MFSD6: variants seen among roughly 807,000 people sequenced by gnomAD.
The protein encoded by MFSD6 is major facilitator superfamily domain containing 6.
In MFSD6, 26 loss-of-function variants were observed where a neutral mutation model predicts 56.3. The ratio of observed to expected loss-of-function variants is 0.46; its 90% CI spans 0.34 to 0.64. The LOEUF (loss-of-function observed/expected upper bound fraction) is 0.64. Ranked by LOEUF, MFSD6 falls within the 30% of genes least tolerant of loss-of-function variation. MFSD6 has a pLI of 0.01. For synonymous variants in MFSD6, 331 were observed against 366.9 expected, an observed-to-expected ratio of 0.90 and a Z score of 1.12; for missense variants, 750 against 986.2, an observed-to-expected ratio of 0.76 and a Z score of 3.21.
rs370715409 is a variant in MFSD6, at chr2:190,440,434, C to A, written c.1532+2873C>A. On this transcript the variant is annotated intron_variant, in intron 3 of 7. Transcript: ENST00000392328. ...TATTTCCACTTTTAAAAATAAATTT[C>A]TTTTGATCCAAAATCATAAGACTTT... is the stretch of plus-strand genomic sequence containing the variant. 7.9e-5 allele frequency among the ~76,000 whole-genome samples: 12 copies of A among 152,200 alleles called. No individual in the cohort carries two copies. The East Asian group carries it at 1.7e-3, about 22-fold the overall frequency.
In MFSD6 at chr2:190,497,406, G is replaced by GA. The variant is rs1258105760; in HGVS notation, c.1892-27dup. ...TTTGTTCAAATATGTAGAAAATGCT[G>GA]AAAAAATAGTTTAAACATTCTTTTC... On this transcript the variant is annotated intron_variant, in intron 6 of 7. Transcript: ENST00000392328. This position sits in a 1 kb window ranked among gnomAD's most constrained non-coding sequence, Gnocchi z 5.2. The GA allele has an allele frequency of 2.5e-6, 4 of 1,599,446 alleles. No individual in the cohort carries two copies. Among genetic ancestry groups the GA allele is most frequent in the African/African-American group, 2.7e-5 (2 of 74,322 alleles).
Position 190,494,843 on chromosome 2 carries a change from C to T in MFSD6, c.1892-2596C>T, listed in dbSNP as rs995191469. On this transcript the variant is annotated intron_variant, in intron 6 of 7. Transcript: ENST00000392328. This position sits in a 1 kb window ranked among gnomAD's most constrained non-coding sequence, Gnocchi z 5.7. The stretch of plus-strand genomic sequence containing the variant: ...CTTAGCAAAATCAGCATACAAGAGA[C>T]ATAACACAGTGAAATAAAAGCCATT... 1.3e-5 allele frequency among the ~76,000 whole-genome samples: 2 copies of T among 152,056 alleles called. No homozygotes were observed. Among genetic ancestry groups the T allele is most frequent in the Admixed American group, 1.3e-4 (2 of 15,264 alleles).
chr2:190,425,413 T>C lies in MFSD6; in HGVS notation c.-54+10000T>C, dbSNP rs1685757323. Reference sequence around the variant, plus strand: ...ACAGACAGTCTTGCCTTGTTCCCTATCTTAGAGAAAAAGCATTCAGTCTTT... The same window carrying C: ...ACAGACAGTCTTGCCTTGTTCCCTACCTTAGAGAAAAAGCATTCAGTCTTT... On this transcript the variant is annotated intron_variant, in intron 2 of 7. Transcript: ENST00000392328. The surrounding 1 kb of genome is among the most constrained non-coding windows in gnomAD (Gnocchi z 4.3). Among the ~76,000 whole-genome samples, 1 of 152,182 alleles carries C rather than the reference T, an allele frequency of 6.6e-6. No homozygotes were observed. Among genetic ancestry groups the C allele is most frequent in the South Asian group, 2.1e-4 (1 of 4,824 alleles).
intron 4 of MFSD6, among the ~76,000 whole-genome samples, chr2:190,475,560 G>A (rs1164585974): frequency 6.6e-6 from 1 of 152,186 alleles, no homozygotes; most frequent in African/African-American, 2.4e-5. Flanking sequence ...TGAAATAAAA[G>A]AGGATACAAA....
chr2:190,452,810 G>C (rs1032942847), intron 3 of MFSD6, among the ~76,000 whole-genome samples: 3 of 152,132 alleles, frequency 2.0e-5, no homozygotes, highest in African/African-American at 7.2e-5. Flanking sequence ...TATTCCTTCA[G>C]GGTTAGCTCC....
At chr2:190,409,890 A>T (rs1002330076) in intron 1 of MFSD6, among the ~76,000 whole-genome samples, 1 of 152,096 alleles carries the variant, frequency 6.6e-6, no homozygotes, top group African/African-American at 2.4e-5. Flanking sequence ...GTGTAAGTAA[A>T]ATTTAGGATT....
At chr2:190,472,834 G>A (rs1688028634) in intron 4 of MFSD6, among the ~76,000 whole-genome samples, 1 of 152,214 alleles carries the variant, frequency 6.6e-6, no homozygotes, top group Non-Finnish European at 1.5e-5. Flanking sequence ...GGCAGCCAGA[G>A]AGAAAGGTCG....
rs1346056757 is a variant in MFSD6 at position 190,465,138 on chromosome 2, A to AT, written c.1533-4613dup. 2.0e-5 allele frequency among the ~76,000 whole-genome samples: 3 copies of AT among 152,272 alleles called. 1 individual carries two copies. In the East Asian group the frequency reaches 5.8e-4, roughly 29 times the overall value. Reference sequence around the variant, plus strand: ...ATATAAGAAATTAGAATCTGTAACAATTTTTTTCTCCTACTCTTGTAGTTT... The same window carrying AT: ...ATATAAGAAATTAGAATCTGTAACAATTTTTTTTCTCCTACTCTTGTAGTTT... On this transcript the variant is annotated intron_variant, in intron 3 of 7. Transcript: ENST00000392328. This position sits in a 1 kb window ranked among gnomAD's most constrained non-coding sequence, Gnocchi z 4.6.
intron 4 of MFSD6, among the ~76,000 whole-genome samples, chr2:190,476,301 C>G: frequency 6.6e-6 from 1 of 152,068 alleles, no homozygotes; most frequent in Non-Finnish European, 1.5e-5. Context: ...TTTTTGCAAT[C>G]TACTCATCTG....
At position 190,500,352 on chromosome 2, in the gene MFSD6, T is replaced by C; in HGVS notation, c.*134T>C. 20 of 887,044 alleles carry C rather than the reference T, an allele frequency of 2.3e-5. No individual in the cohort carries two copies. Among genetic ancestry groups the C allele is most frequent in the Non-Finnish European group, 3.2e-5 (19 of 587,588 alleles). 54.9% of individuals were successfully genotyped at this position (887,044 alleles called of 1,614,324 possible). On this transcript the variant is annotated 3_prime_UTR_variant, in exon 8 of 8. Transcript: ENST00000392328. This position sits in a 1 kb window ranked among gnomAD's most constrained non-coding sequence, Gnocchi z 5.3. Reference sequence around the variant, plus strand: ...ATATGCTTCTAAATATCTAAACTCATTAACATGGAAACACACACACAGGAG... The same window carrying C: ...ATATGCTTCTAAATATCTAAACTCACTAACATGGAAACACACACACAGGAG...
chr2:190,450,437 G>A (rs955709624), intron 3 of MFSD6, among the ~76,000 whole-genome samples: 2 of 147,164 alleles, frequency 1.4e-5, no homozygotes, highest in Admixed American at 1.3e-4. Context: ...TCTTTAAATA[G>A]TAGTCTATAG....
chr2:190,489,977 C>A lies in MFSD6; in HGVS notation c.1891+111C>A. 1 of 829,962 alleles carries A rather than the reference C, an allele frequency of 1.2e-6. No individual in the cohort carries two copies. The highest frequency in any genetic ancestry group is 1.8e-6 in the Non-Finnish European group (1 of 548,334). The allele number at this position is 829,962 out of a possible 1,614,324, so 51.4% of individuals were successfully genotyped here. ...CAGAGTATACAACAGGTCTGTTTGG[C>A]TCAATTTTCTGAGTGGCGTATCGAT... On this transcript the variant is annotated intron_variant, in intron 6 of 7. Coordinates refer to ENST00000392328, the MANE Select transcript of MFSD6 (RefSeq NM_017694.4). The surrounding 1 kb of genome is among the most constrained non-coding windows in gnomAD (Gnocchi z 6.6).
Position 190,461,563 on chromosome 2 carries a change from T to G in MFSD6, c.1533-8195T>G, listed in dbSNP as rs1687330204. Among the ~76,000 whole-genome samples, 1 of 152,206 alleles carries G rather than the reference T, an allele frequency of 6.6e-6. No homozygotes were observed. The highest frequency in any genetic ancestry group is 1.5e-5 in the Non-Finnish European group (1 of 68,036). On this transcript the variant is annotated intron_variant, in intron 3 of 7. Transcript: ENST00000392328. The surrounding 1 kb of genome is among the most constrained non-coding windows in gnomAD (Gnocchi z 5.5). ...GTTCTGGAGGCTGGGAAGTGCAAGA[T>G]CAAAGTGTTGGCAGGTTCGGTGACT...
chr2:190,481,901 T>G (rs966447964), intron 4 of MFSD6, among the ~76,000 whole-genome samples: 4 of 152,212 alleles, frequency 2.6e-5, no homozygotes, highest in African/African-American at 9.6e-5. Flanking sequence ...GTATTGCTGT[T>G]AGTAGCCCCA....
At position 190,500,418 on chromosome 2, in the gene MFSD6, C is replaced by A. The variant is rs2125283407; in HGVS notation, c.*200C>A. On this transcript the variant is annotated 3_prime_UTR_variant, in exon 8 of 8. Coordinates refer to ENST00000392328, the MANE Select transcript of MFSD6 (RefSeq NM_017694.4). This position sits in a 1 kb window ranked among gnomAD's most constrained non-coding sequence, Gnocchi z 5.3. ...GCAGGAAAAGGTAAACTTTCGTAAT[C>A]TCATTGGAATTACAACAGGGAAATG... 2 of 609,082 alleles carry A rather than the reference C, an allele frequency of 3.3e-6. No individual in the cohort carries two copies. Among genetic ancestry groups the A allele is most frequent in the Middle Eastern group, 4.5e-4 (1 of 2,246 alleles). The allele number at this position is 609,082 out of a possible 1,614,324, so 37.7% of individuals were successfully genotyped here. A position where few individuals can be genotyped will look rare whatever the true frequency, so the allele number is the denominator to read the frequency against.
Position 190,488,483 on chromosome 2 carries a change from T to A in MFSD6, c.1631-174T>A, listed in dbSNP as rs1289141226. On this transcript the variant is annotated intron_variant, in intron 4 of 7. Transcript: ENST00000392328. The surrounding 1 kb of genome is among the most constrained non-coding windows in gnomAD (Gnocchi z 6.4). ...TGACAGCTGCACAACACTGTGAGTG[T>A]ACTCAGTGCCACTGAACCGTACATT... Among the ~76,000 whole-genome samples, 1 of 152,222 alleles carries A rather than the reference T, an allele frequency of 6.6e-6. No individual in the cohort carries two copies. The highest frequency in any genetic ancestry group is 1.5e-5 in the Non-Finnish European group (1 of 68,040).
rs187703722 is a variant in MFSD6, at chr2:190,499,948, C to T, written c.2173-67C>T. 5 of 1,602,082 alleles carry T rather than the reference C, an allele frequency of 3.1e-6. No homozygotes were observed. The highest frequency in any genetic ancestry group is 3.3e-5 in the Admixed American group (2 of 59,826). On this transcript the variant is annotated intron_variant, in intron 7 of 7. Coordinates refer to ENST00000392328, the MANE Select transcript of MFSD6 (RefSeq NM_017694.4). This position sits in a 1 kb window ranked among gnomAD's most constrained non-coding sequence, Gnocchi z 6.0. ...CCATGTTTCCTGTCTTACTTGAAAGCATATATAAAAAGTTGGATTTATTTG... is the reference window on the plus strand; with the variant it reads ...CCATGTTTCCTGTCTTACTTGAAAGTATATATAAAAAGTTGGATTTATTTG...
chr2:190,437,331 C>T lies in MFSD6; in HGVS notation c.1302C>T (p.Asn434=). The change falls in exon 3 of 8, where the codon AAC becomes AAT. Residue 434 remains asparagine, a synonymous_variant. Transcript: ENST00000392328. The surrounding 1 kb of genome is among the most constrained non-coding windows in gnomAD (Gnocchi z 5.9). ...PTTTSHSQAF[N]FWDLIKLLCS... ...CCACAAGCCACTCGCAGGCCTTCAACTTTTGGGACTTAATCAAGCTGCTCT... is the reference window on the plus strand; with the variant it reads ...CCACAAGCCACTCGCAGGCCTTCAATTTTTGGGACTTAATCAAGCTGCTCT... 1.2e-6 allele frequency: 2 copies of T among 1,614,248 alleles called. No individual in the cohort carries two copies. Among genetic ancestry groups the T allele is most frequent in the Non-Finnish European group, 1.7e-6 (2 of 1,180,044 alleles).
chr2:190,486,449 G>T (rs1425067794), intron 4 of MFSD6, among the ~76,000 whole-genome samples: 2 of 152,192 alleles, frequency 1.3e-5, no homozygotes, highest in African/African-American at 4.8e-5. Context: ...TAGCCACCTT[G>T]GCTCCCTAGA....
Sources: allele counts gnomAD v4.1 joint callset (sites outside exome capture counted in the v4.1 genomes callset), GRCh38; gene constraint gnomAD v4.1.1; non-coding constraint Gnocchi (gnomAD v3.1); transcripts MANE v1.5; gene names NCBI Gene and HGNC (gene_info 2026-07-23, HGNC 2026-07-21).